LOC400499: variants seen among roughly 807,000 people sequenced by gnomAD.
the LOC400499 span, among the ~76,000 whole-genome samples, chr16:11,409,985 G>A: frequency 1.3e-5 from 2 of 152,104 alleles, no homozygotes; most frequent in African/African-American, 4.8e-5. Flanking sequence ...AAACTAAGAA[G>A]CTCCCGGAAT....
At chr16:11,391,784 C>T in the LOC400499 span, 386,492 of 1,231,950 alleles carry the variant, frequency 0.31, 61,528 homozygotes, top group African/African-American at 0.33. Context: ...AACCACTCGC[C>T]TGCATGGCCT....
chr16:11,476,320 G>A, the LOC400499 span, among the ~76,000 whole-genome samples: 5 of 152,018 alleles, frequency 3.3e-5, no homozygotes, highest in African/African-American at 9.7e-5. Context: ...CACCTCCTTA[G>A]GGGTCACAGA....
chr16:11,430,894 T>C, the LOC400499 span: 2 of 396,832 alleles, frequency 5.0e-6, no homozygotes, highest in Non-Finnish European at 8.9e-6. Flanking sequence ...AAATCATCCA[T>C]ACCCCTTTAT....
chr16:11,391,879 G>C, the LOC400499 span: 2 of 1,187,664 alleles, frequency 1.7e-6, no homozygotes, highest in South Asian at 4.3e-5. Flanking sequence ...GGGAAACCGA[G>C]GCAGAATCAG....
chr16:11,472,885 T>C, the LOC400499 span: 1 of 152,064 alleles, frequency 6.6e-6, no homozygotes, highest in Non-Finnish European at 1.5e-5. Flanking sequence ...CCCAGAACTG[T>C]GGGAGGCCAA....
At chr16:11,497,910 TAG>T in the LOC400499 span, among the ~76,000 whole-genome samples, 1 of 152,224 alleles carries the variant, frequency 6.6e-6, no homozygotes, top group African/African-American at 2.4e-5. Flanking sequence ...ACACTTCAGT[TAG>T]AAGTCTGTTT....
chr16:11,489,557 C>T, the LOC400499 span, among the ~76,000 whole-genome samples: 4 of 152,264 alleles, frequency 2.6e-5, no homozygotes, highest in Non-Finnish European at 5.9e-5. Flanking sequence ...TTGTCTCAGG[C>T]TCTTAGAAGG....
chr16:11,415,798 T>C, the LOC400499 span, among the ~76,000 whole-genome samples: 8 of 151,354 alleles, frequency 5.3e-5, no homozygotes, highest in Admixed American at 5.3e-4. Context: ...GGCGTGGAGG[T>C]GGTCATCCAG....
At chr16:11,435,748 C>T in the LOC400499 span, 34 of 399,298 alleles carry the variant, frequency 8.5e-5, no homozygotes, top group Non-Finnish European at 1.8e-5. Flanking sequence ...CACTCACACC[C>T]CAGCCCCGGC....
At chr16:11,426,184 C>T in the LOC400499 span, among the ~76,000 whole-genome samples, 1 of 152,150 alleles carries the variant, frequency 6.6e-6, no homozygotes, top group Non-Finnish European at 1.5e-5. Flanking sequence ...GCCTGTAATC[C>T]CAGCACTTTG....
chr16:11,443,257 G>C, the LOC400499 span: 4 of 312,558 alleles, frequency 1.3e-5, no homozygotes, highest in Admixed American at 9.4e-5. Flanking sequence ...CCAGGAGGCA[G>C]AGGTTGCAAT....
chr16:11,383,731 T>G, the LOC400499 span: 8 of 1,232,500 alleles, frequency 6.5e-6, no homozygotes, highest in Non-Finnish European at 8.1e-6. Flanking sequence ...CTGGAGCTCC[T>G]GGGTGCCACA....
the LOC400499 span, among the ~76,000 whole-genome samples, chr16:11,395,308 C>T: frequency 3.9e-5 from 6 of 152,194 alleles, no homozygotes; most frequent in South Asian, 4.1e-4. Flanking sequence ...TCTGACCACT[C>T]CACAGACCCC....
the LOC400499 span, chr16:11,391,958 G>A: frequency 1.8e-6 from 1 of 542,112 alleles, no homozygotes; most frequent in Non-Finnish European, 2.8e-6. Flanking sequence ...AGCCAGGTCA[G>A]AGGGGGACCT....
chr16:11,454,043 T>C, the LOC400499 span, among the ~76,000 whole-genome samples: 1 of 152,170 alleles, frequency 6.6e-6, no homozygotes, highest in Non-Finnish European at 1.5e-5. Context: ...CCAAGGTACC[T>C]CATAATGAGA....
chr16:11,512,980 C>T, the LOC400499 span, among the ~76,000 whole-genome samples: 10 of 152,302 alleles, frequency 6.6e-5, no homozygotes, highest in Non-Finnish European at 1.2e-4. Flanking sequence ...CCAAGGTAAA[C>T]GCTATTACCA....
At chr16:11,487,998 T>C in the LOC400499 span, among the ~76,000 whole-genome samples, 14 of 151,846 alleles carry the variant, frequency 9.2e-5, no homozygotes, top group Non-Finnish European at 2.1e-4. Context: ...GCGCCTGTAG[T>C]CCCAGCTACT....
chr16:11,401,202 A>G, the LOC400499 span: 1 of 398,836 alleles, frequency 2.5e-6, no homozygotes, highest in Non-Finnish European at 4.4e-6. Flanking sequence ...CCAGCCCCAC[A>G]GGCTCAGTCA....
the LOC400499 span, among the ~76,000 whole-genome samples, chr16:11,422,440 C>CTGAAAGGAAA: frequency 2.6e-5 from 4 of 151,042 alleles, no homozygotes; most frequent in Admixed American, 2.6e-4. Context: ...CAGAACGGAA[C>CTGAAAGGAAA]GGAAAGGAAA....
Sources: gnomAD v4.1 joint callset for allele counts (sites outside exome capture counted in the v4.1 genomes callset) on GRCh38, gnomAD v4.1.1 for gene constraint, MANE v1.5 for transcripts.